CARS2: variants seen among roughly 807,000 people sequenced by gnomAD.
The protein encoded by CARS2 is cysteinyl-tRNA synthetase 2, mitochondrial, also known as probable cysteine--tRNA ligase, mitochondrial.
In CARS2, 52 loss-of-function variants were observed where a neutral mutation model predicts 68.8. The observed-to-expected ratio is 0.76, with a 90% confidence interval of 0.61 to 0.95. The LOEUF (loss-of-function observed/expected upper bound fraction) is 0.95, where lower values mean the gene tolerates loss of function less well. Ranked by LOEUF, CARS2 falls within the 40% of genes least tolerant of loss-of-function variation. CARS2 has a pLI of 0.00. For synonymous variants in CARS2, 314 were observed against 303.6 expected, an observed-to-expected ratio of 1.03 and a Z score of -0.36; for missense variants, 780 against 754.2, an observed-to-expected ratio of 1.03 and a Z score of -0.40.
upstream of CARS2, among the ~76,000 whole-genome samples, chr13:110,708,942 T>C (rs2064004573): frequency 6.6e-6 from 1 of 151,662 alleles, no homozygotes; most frequent in Non-Finnish European, 1.5e-5. Flanking sequence ...TTAGTAGAGA[T>C]GGGGTTTCAT....
At chr13:110,704,326 A>C (rs529136909) in intron 2 of CARS2, among the ~76,000 whole-genome samples, 1 of 152,300 alleles carries the variant, frequency 6.6e-6, no homozygotes, top group South Asian at 2.1e-4. Context: ...TTTGTTTTTA[A>C]TATTTCCCCA....
chr13:110,657,615 A>G (rs146074747), intron 9 of CARS2, among the ~76,000 whole-genome samples: 70 of 152,320 alleles, frequency 4.6e-4, no homozygotes, highest in Admixed American at 3.7e-3. Flanking sequence ...AGACAAAAAC[A>G]CTTTTCTTTA....
chr13:110,709,864 G>A (rs935842310), upstream of CARS2, among the ~76,000 whole-genome samples: 2 of 150,504 alleles, frequency 1.3e-5, no homozygotes, highest in South Asian at 2.1e-4. Context: ...AGGTCAGAAC[G>A]AGGAAGTGTG....
intron 6 of CARS2, among the ~76,000 whole-genome samples, chr13:110,681,628 G>A (rs1324107119): frequency 6.6e-6 from 1 of 152,160 alleles, no homozygotes; most frequent in African/African-American, 2.4e-5. Context: ...CCTGCACGTG[G>A]ATGTTTACAG....
intron 5 of CARS2, among the ~76,000 whole-genome samples, chr13:110,685,365 A>C (rs2063270654): frequency 1.3e-5 from 2 of 152,168 alleles, no homozygotes; most frequent in African/African-American, 4.8e-5. Context: ...CATTAGAACA[A>C]GTAAAAAGCT....
intron 3 of CARS2, among the ~76,000 whole-genome samples, chr13:110,698,289 G>A (rs963453375): frequency 2.0e-5 from 3 of 152,066 alleles, no homozygotes; most frequent in Admixed American, 6.6e-5. Flanking sequence ...GGAGGCCGAG[G>A]AGGGCGGATC....
chr13:110,684,598 C>T (rs1035324606), intron 5 of CARS2, among the ~76,000 whole-genome samples: 1 of 151,106 alleles, frequency 6.6e-6, no homozygotes, highest in African/African-American at 2.4e-5. Context: ...CCATTGTGCT[C>T]AGAAAACCCT....
At chr13:110,663,540 T>A in intron 8 of CARS2, 22 bp from the exon 9 acceptor site, 1 of 1,612,904 alleles carries the variant, frequency 6.2e-7, no homozygotes, top group Non-Finnish European at 8.5e-7. Context: ...ACAAAAGCAT[T>A]CAGTCTGAGC....
upstream of CARS2, among the ~76,000 whole-genome samples, chr13:110,709,278 C>T (rs2139955663): frequency 6.6e-6 from 1 of 151,632 alleles, no homozygotes; most frequent in East Asian, 2.0e-4. Flanking sequence ...ATTTTTAGTA[C>T]AGATGGGGTT....
In CARS2 at chr13:110,670,734, G is replaced by A. The variant is rs1336549898; in HGVS notation, c.786-3261C>T. Among the ~76,000 whole-genome samples, 2 of 152,194 alleles carry A rather than the reference G, an allele frequency of 1.3e-5. No homozygotes were observed. The highest frequency in any genetic ancestry group is 2.9e-5 in the Non-Finnish European group (2 of 68,022). On this transcript the variant is annotated intron_variant, in intron 7 of 14. Coordinates refer to ENST00000257347, the MANE Select transcript of CARS2 (RefSeq NM_024537.4). This position sits in a 1 kb window ranked among gnomAD's most constrained non-coding sequence, Gnocchi z 4.1. ...GACTTTGATGAGTTGAGAGAAGAAG[G>A]CTTCAGACGATCGGTAATAACAAAC...
intron 3 of CARS2, among the ~76,000 whole-genome samples, chr13:110,698,722 G>A (rs541228482): frequency 6.6e-6 from 1 of 151,914 alleles, no homozygotes; most frequent in East Asian, 1.9e-4. Flanking sequence ...AGGGCTTTCC[G>A]GCCAGGTGCA....
chr13:110,700,104 T>A (rs897567981), intron 3 of CARS2, among the ~76,000 whole-genome samples: 4 of 152,222 alleles, frequency 2.6e-5, no homozygotes, highest in African/African-American at 9.6e-5. Flanking sequence ...AACCTCAAGA[T>A]GTGATCACCT....
rs2063303855 is a variant in CARS2 at position 110,686,296 on chromosome 13, C to T, written c.571+1425G>A. ...TCGCTCTGTCTCCCAGGCTGGTGTG[C>T]AGTGGGACAATCATGGTTCACTGCA... On this transcript the variant is annotated intron_variant, in intron 5 of 14. Transcript: ENST00000257347. Among the ~76,000 whole-genome samples, 3 of 149,854 alleles carry T rather than the reference C, an allele frequency of 2.0e-5. No individual in the cohort carries two copies. In the South Asian group the frequency reaches 6.3e-4, roughly 32 times the overall value.
At chr13:110,652,741 A>G (rs1433125210) in intron 9 of CARS2, among the ~76,000 whole-genome samples, 2 of 152,228 alleles carry the variant, frequency 1.3e-5, no homozygotes, top group African/African-American at 4.8e-5. Flanking sequence ...CAATGCCCTA[A>G]CACAGGGGTG....
intron 6 of CARS2, among the ~76,000 whole-genome samples, chr13:110,682,120 C>T (rs984657304): frequency 1.1e-4 from 17 of 151,418 alleles, no homozygotes; most frequent in African/African-American, 3.6e-4. Context: ...GTGTGGGGGG[C>T]GGTGTGGAGG....
intron 9 of CARS2, among the ~76,000 whole-genome samples, chr13:110,654,691 G>A (rs2062315150): frequency 6.6e-6 from 1 of 151,982 alleles, no homozygotes; most frequent in South Asian, 2.1e-4. Flanking sequence ...GCTAAGGCAG[G>A]AGGATTGCTT....
At chr13:110,710,578 A>G (rs936655227), upstream of CARS2, among the ~76,000 whole-genome samples, 6 of 152,234 alleles carry the variant, frequency 3.9e-5, no homozygotes, top group Admixed American at 2.0e-4. Flanking sequence ...ACAAAACTGA[A>G]AGAGACAAGA....
Position 110,651,076 on chromosome 13 carries a change from C to G in CARS2, c.1012G>C (p.Asp338His). The G allele has an allele frequency of 1.2e-6, 2 of 1,613,418 alleles. No individual in the cohort carries two copies. The highest frequency in any genetic ancestry group is 1.3e-5 in the African/African-American group (1 of 75,024). The change falls in exon 10 of 15, where the codon GAT (aspartate) becomes CAT (histidine). Residue 338 changes from aspartate to histidine, a missense_variant. Physicochemically the swap from Asp to His is moderately conservative, Grantham distance 81. Transcript: ENST00000257347. ...CGCAGGCAGAAGAACCGGAAGACATCGGGGGAAAAGGTCTTCAGAAAGTCC... is the reference window on the plus strand; with the variant it reads ...CGCAGGCAGAAGAACCGGAAGACATGGGGGGAAAAGGTCTTCAGAAAGTCC... ...IKDFLKTFSPDVFRFFCLRSS... is the reference protein window; with the variant it reads ...IKDFLKTFSPHVFRFFCLRSS...
intron 6 of CARS2, among the ~76,000 whole-genome samples, chr13:110,678,962 C>T (rs906074600): frequency 6.9e-6 from 1 of 145,036 alleles, no homozygotes; most frequent in African/African-American, 2.6e-5. Flanking sequence ...GGTCAAGCCT[C>T]GGGCAGGGCT....
Sources: allele counts gnomAD v4.1 joint callset (sites outside exome capture counted in the v4.1 genomes callset), GRCh38; gene constraint gnomAD v4.1.1; non-coding constraint Gnocchi (gnomAD v3.1); transcripts MANE v1.5; gene names NCBI Gene and HGNC (gene_info 2026-07-23, HGNC 2026-07-21).